Variants in RIMS3 observed in about 807,000 individuals in gnomAD.
RIMS3 encodes the protein regulating synaptic membrane exocytosis protein 3.
RIMS3 carries 15 observed loss-of-function variants against 29.2 expected under a neutral mutation model. The observed-to-expected ratio is 0.51, with a 90% CI of 0.34 to 0.79. The LOEUF (loss-of-function observed/expected upper bound fraction) is 0.79, where lower values mean the gene tolerates loss of function less well. Ranked by LOEUF, RIMS3 falls within the 30% of genes least tolerant of loss-of-function variation. RIMS3 has a pLI of 0.01. For synonymous variants in RIMS3, 161 were observed against 170.1 expected, an observed-to-expected ratio of 0.95 and a Z score of 0.41; for missense variants, 342 against 421.4, an observed-to-expected ratio of 0.81 and a Z score of 1.65.
chr1:40,633,192 A>C lies in RIMS3; in HGVS notation c.360-11T>G, dbSNP rs1417655655. 1.2e-6 allele frequency: 2 copies of C among 1,610,086 alleles called. No individual in the cohort carries two copies. Among genetic ancestry groups the C allele is most frequent in the Admixed American group, 3.3e-5 (2 of 59,990 alleles). On this transcript the variant is annotated splice_polypyrimidine_tract_variant and intron_variant, in intron 4 of 7. Transcript: ENST00000372684. ...GTGGGGAAGATGAACCTGCAGGAGG[A>C]GGCAGAGGGACGCGTGAGGGGGTCA...
chr1:40,672,047 C>T, the RIMS3 span, among the ~76,000 whole-genome samples: 2 of 152,040 alleles, frequency 1.3e-5, no homozygotes, highest in Non-Finnish European at 2.9e-5. Context: ...CATGAGCCAC[C>T]GTGCCCAGCC....
At chr1:40,637,368 G>A (rs902926804) in intron 3 of RIMS3, among the ~76,000 whole-genome samples, 2 of 152,122 alleles carry the variant, frequency 1.3e-5, no homozygotes, top group Admixed American at 1.3e-4. Flanking sequence ...GGTGGGTGGC[G>A]GGACAGGCTG....
chr1:40,628,666 C>T (rs1389032793), intron 7 of RIMS3, 144 bp downstream of exon 7: 9 of 1,158,026 alleles, frequency 7.8e-6, no homozygotes, highest in East Asian at 2.4e-5. Context: ...AGTAATACCT[C>T]ACAGGGTTGT....
chr1:40,627,140 A>G (rs1255734230), intron 7 of RIMS3, among the ~76,000 whole-genome samples: 1 of 152,122 alleles, frequency 6.6e-6, no homozygotes, highest in Non-Finnish European at 1.5e-5. Context: ...AGAGTTCAGG[A>G]CTTGGCCATA....
At chr1:40,662,317 C>T (rs959494008) in intron 1 of RIMS3, among the ~76,000 whole-genome samples, 73 of 152,150 alleles carry the variant, frequency 4.8e-4, no homozygotes, top group African/African-American at 1.7e-3. Flanking sequence ...CTCTACAATT[C>T]CTTGGCACCC....
In RIMS3 at chr1:40,633,127, C is replaced by A; in HGVS notation, c.414G>T (p.Leu138=). The A allele has an allele frequency of 6.2e-7, 1 of 1,614,180 alleles. No individual in the cohort carries two copies. The highest frequency in any genetic ancestry group is 8.5e-7 in the Non-Finnish European group (1 of 1,180,016). ...CAATCTGAGCTGGTCCCAGCCCATCCAGGAAATCGCTGAACTGGCTTTCAG... is the reference window on the plus strand; with the variant it reads ...CAATCTGAGCTGGTCCCAGCCCATCAAGGAAATCGCTGAACTGGCTTTCAG... ...LGAESQFSDF[L]DGLGPAQIVG... Residue 138 remains leucine, a synonymous_variant, in exon 5 of 8, where the codon CTG becomes CTT. Transcript: ENST00000372684.
intron 1 of RIMS3, among the ~76,000 whole-genome samples, chr1:40,662,312 C>T (rs1642364358): frequency 1.3e-5 from 2 of 152,292 alleles, no homozygotes; most frequent in South Asian, 4.1e-4. Flanking sequence ...TTCGCCTCTA[C>T]AATTCCTTGG....
the RIMS3 span, among the ~76,000 whole-genome samples, chr1:40,676,707 T>A: frequency 6.6e-6 from 1 of 152,228 alleles, no homozygotes; most frequent in Non-Finnish European, 1.5e-5. Context: ...ATTTCCTGCC[T>A]TCCAGCTGTT....
intron 2 of RIMS3, among the ~76,000 whole-genome samples, chr1:40,644,168 A>T (rs1646579499): frequency 6.6e-6 from 1 of 152,226 alleles, no homozygotes; most frequent in African/African-American, 2.4e-5. Flanking sequence ...GCGCTCAGAC[A>T]GAAAGTACCT....
At chr1:40,671,757 C>CTTTTTTTTTT in the RIMS3 span, among the ~76,000 whole-genome samples, 3 of 130,286 alleles carry the variant, frequency 2.3e-5, no homozygotes, top group Non-Finnish European at 4.9e-5. Flanking sequence ...CCTTTCTTTT[C>CTTTTTTTTTT]TTTTTTTTTT....
In RIMS3 at chr1:40,635,732, A is replaced by C. The variant is rs1401195836; in HGVS notation, c.359+184T>G. On this transcript the variant is annotated intron_variant, in intron 4 of 7. Transcript: ENST00000372684. This position sits in a 1 kb window ranked among gnomAD's most constrained non-coding sequence, Gnocchi z 4.1. ...GGTATCTGGATATTCCAATGGGAGC[A>C]ATGGAAGACCTGAGGTCCAGGCACA... Among the ~76,000 whole-genome samples, 1 of 152,244 alleles carries C rather than the reference A, an allele frequency of 6.6e-6. No individual in the cohort carries two copies. The highest frequency in any genetic ancestry group is 2.4e-5 in the African/African-American group (1 of 41,468).
At chr1:40,663,694 A>G (rs1456363131) in intron 1 of RIMS3, among the ~76,000 whole-genome samples, 1 of 152,184 alleles carries the variant, frequency 6.6e-6, no homozygotes, top group East Asian at 1.9e-4. Context: ...TCCAGAGACC[A>G]GAAGCGTCGT....
intron 1 of RIMS3, among the ~76,000 whole-genome samples, chr1:40,651,299 A>G (rs1018160426): frequency 6.6e-6 from 1 of 152,146 alleles, no homozygotes; most frequent in African/African-American, 2.4e-5. Context: ...ACACGGGGAG[A>G]GCGCCATGTG....
chr1:40,642,726 C>G (rs138077744), intron 2 of RIMS3, among the ~76,000 whole-genome samples: 1 of 151,740 alleles, frequency 6.6e-6, no homozygotes, highest in Non-Finnish European at 1.5e-5. Flanking sequence ...GAGGCCGAGG[C>G]GGGCGGATCA....
At chr1:40,685,298 A>T in the RIMS3 span, among the ~76,000 whole-genome samples, 1 of 18,848 alleles carries the variant, frequency 5.3e-5, no homozygotes, top group South Asian at 7.7e-4. Context: ...TATATATATT[A>T]TATATATTAA....
Position 40,649,026 on chromosome 1 carries a change from A to ACCT in RIMS3, c.-206-1185_-206-1184insAGG, listed in dbSNP as rs1210517551. 1.3e-4 allele frequency among the ~76,000 whole-genome samples: 20 copies of ACCT among 152,286 alleles called. No individual in the cohort carries two copies. In the East Asian group the frequency reaches 3.9e-3, roughly 29 times the overall value. ...TAGTCTCTCCTGTCCCCACTCAGGG[A>ACCT]GAGGTGGGCGGGTGATGAGTTGGTA... On this transcript the variant is annotated intron_variant, in intron 1 of 7. Coordinates refer to ENST00000372684, the MANE Select transcript of RIMS3 (RefSeq NM_014747.3).
rs762048131 is a variant in RIMS3, at chr1:40,626,649, G to T, written c.795C>A (p.Asp265Glu). Residue 265 changes from aspartate (D) to glutamate (E), a missense_variant, in exon 8 of 8, where the codon GAC becomes GAA. Coordinates refer to ENST00000372684, the MANE Select transcript of RIMS3 (RefSeq NM_014747.3). ...ACCAGCCGGTGACCGCGGCGCTGAGGTCCAGCTCGTCCAGCATGATCTGGG... is the reference window on the plus strand; with the variant it reads ...ACCAGCCGGTGACCGCGGCGCTGAGTTCCAGCTCGTCCAGCATGATCTGGG... ...GMAQIMLDEL[D>E]LSAAVTGWYK... 6.2e-7 allele frequency: 1 copy of T among 1,614,198 alleles called. No homozygotes were observed. Among genetic ancestry groups the T allele is most frequent in the East Asian group, 2.2e-5 (1 of 44,882 alleles).
At position 40,635,675 on chromosome 1, in the gene RIMS3, C is replaced by G. The variant is rs2148347133; in HGVS notation, c.359+241G>C. On this transcript the variant is annotated intron_variant, in intron 4 of 7. Coordinates refer to ENST00000372684, the MANE Select transcript of RIMS3 (RefSeq NM_014747.3). The surrounding 1 kb of genome is among the most constrained non-coding windows in gnomAD (Gnocchi z 4.1). Reference sequence around the variant, plus strand: ...GGAGGTGGGAGGTAAGGGTCCCTTCCTGAAACATACAGAAGGAACTGATAG... The same window carrying G: ...GGAGGTGGGAGGTAAGGGTCCCTTCGTGAAACATACAGAAGGAACTGATAG... Among the ~76,000 whole-genome samples the G allele has an allele frequency of 6.6e-6, 1 of 152,320 alleles. No homozygotes were observed. Among genetic ancestry groups the G allele is most frequent in the South Asian group, 2.1e-4 (1 of 4,830 alleles).
chr1:40,665,207 T>C, intron 1 of RIMS3, among the ~76,000 whole-genome samples, 187 bp downstream of exon 1: 1 of 149,528 alleles, frequency 6.7e-6, no homozygotes, highest in East Asian at 2.0e-4. Flanking sequence ...CACGTCCCTC[T>C]CTCATCCCTT....
Sources: gnomAD v4.1 joint callset for allele counts (sites outside exome capture counted in the v4.1 genomes callset) on GRCh38, gnomAD v4.1.1 for gene constraint, Gnocchi (gnomAD v3.1) non-coding constraint, MANE v1.5 for transcripts, NCBI Gene and HGNC (gene_info 2026-07-23, HGNC 2026-07-21) for gene names.